Variants in VWA5B2 observed in about 807,000 individuals in gnomAD.
VWA5B2 encodes the protein von Willebrand factor A domain containing 5B2, also known as von Willebrand factor A domain-containing protein 5B2.
In VWA5B2, 93 loss-of-function variants were observed where a neutral mutation model predicts 118.5. The ratio of observed to expected loss-of-function variants is 0.79; its 90% CI spans 0.66 to 0.93. The LOEUF (loss-of-function observed/expected upper bound fraction) is 0.93, where lower values mean the gene tolerates loss of function less well. VWA5B2 is among the 40% of genes least tolerant of loss of function. The probability of loss-of-function intolerance (pLI) is 0.00; values close to 1 mark genes in which losing one functional copy is unlikely to be tolerated. For synonymous variants in VWA5B2, 708 were observed against 716.3 expected, an observed-to-expected ratio of 0.99 and a Z score of 0.19; for missense variants, 1,546 against 1,672.8, an observed-to-expected ratio of 0.92 and a Z score of 1.32.
In VWA5B2 at chr3:184,239,816, T is replaced by C. The variant is rs1208854656; in HGVS notation, c.2520T>C (p.His840=). 8 of 1,550,558 alleles carry C rather than the reference T, an allele frequency of 5.2e-6. No homozygotes were observed. Among genetic ancestry groups the C allele is most frequent in the Non-Finnish European group, 7.0e-6 (8 of 1,146,334 alleles). ...PAVPPQAPRC[H]VVIRGLCGEQ... is the part of the protein sequence containing the mutation. ...TGCCTCCCCAGGCTCCACGCTGCCATGTGGTGATCCGGGGCCTGTGTGGGG... is the reference window on the plus strand; with the variant it reads ...TGCCTCCCCAGGCTCCACGCTGCCACGTGGTGATCCGGGGCCTGTGTGGGG... The change falls in exon 16 of 20, where the codon CAT becomes CAC. Residue 840 remains histidine, a synonymous_variant. Coordinates refer to ENST00000691901, the MANE Select transcript of VWA5B2 (RefSeq NM_001390846.1). This position sits in a 1 kb window ranked among gnomAD's most constrained non-coding sequence, Gnocchi z 5.1.
At position 184,233,155 on chromosome 3, in the gene VWA5B2, A is replaced by G; in HGVS notation, c.311-23A>G. 3 of 1,542,540 alleles carry G rather than the reference A, an allele frequency of 1.9e-6. No homozygotes were observed. The South Asian group carries it at 3.6e-5, about 19-fold the overall frequency. ...TCTCCTCTGCTTCCAGCATGCTCTGACCCCATTTCTCACCCATCATAGGTC... is the reference window on the plus strand; with the variant it reads ...TCTCCTCTGCTTCCAGCATGCTCTGGCCCCATTTCTCACCCATCATAGGTC... On this transcript the variant is annotated intron_variant, in intron 3 of 19. Coordinates refer to ENST00000691901, the MANE Select transcript of VWA5B2 (RefSeq NM_001390846.1). This position sits in a 1 kb window ranked among gnomAD's most constrained non-coding sequence, Gnocchi z 5.2.
chr3:184,241,406 TGA>T lies in VWA5B2; in HGVS notation c.3180+4_3180+5del. Reference sequence around the variant, plus strand: ...AGCGACCATGACTACCTGCCCTTGGTGAGGACTCGGGAGGTGGAGGGTGGTGC... The same window carrying T: ...AGCGACCATGACTACCTGCCCTTGGTGGACTCGGGAGGTGGAGGGTGGTGC... On this transcript the variant is annotated splice_donor_region_variant and intron_variant, in intron 19 of 19. Transcript: ENST00000691901. The surrounding 1 kb of genome is among the most constrained non-coding windows in gnomAD (Gnocchi z 5.1). The T allele has an allele frequency of 6.3e-7, 1 of 1,580,298 alleles. No individual in the cohort carries two copies. The highest frequency in any genetic ancestry group is 8.6e-7 in the Non-Finnish European group (1 of 1,162,728).
intron 9 of VWA5B2, 30 bp from the exon 10 acceptor site, chr3:184,236,313 T>C: frequency 6.4e-7 from 1 of 1,551,054 alleles, no homozygotes; most frequent in South Asian, 1.2e-5. Flanking sequence ...TTCAGCCCAG[T>C]GCGTCCCAGC....
In VWA5B2 at chr3:184,239,883, C is replaced by T. The variant is rs1463523181; in HGVS notation, c.2587C>T (p.Leu863=). ...GGAGGTGGGTGTTGGGCTGGAGACA[C>T]TGTGGGGACCTGGAGATGGCTCACA... ...CWEVGVGLET[L]WGPGDGSQPP... Residue 863 remains leucine (L), a synonymous_variant, in exon 16 of 20, where the codon CTG becomes TTG. Transcript: ENST00000691901. This position sits in a 1 kb window ranked among gnomAD's most constrained non-coding sequence, Gnocchi z 5.1. The T allele has an allele frequency of 2.6e-6, 4 of 1,551,536 alleles. No individual in the cohort carries two copies. The highest frequency in any genetic ancestry group is 1.4e-5 in the African/African-American group (1 of 73,030).
intron 1 of VWA5B2, among the ~76,000 whole-genome samples, 162 bp from the exon 2 acceptor site, chr3:184,230,218 C>T (rs1717233675): frequency 6.6e-6 from 1 of 152,156 alleles, no homozygotes; most frequent in African/African-American, 2.4e-5. Context: ...ACAGCTGTGA[C>T]CGCCCCCACC....
chr3:184,235,614 C>A (rs1717888205), intron 8 of VWA5B2, among the ~76,000 whole-genome samples: 1 of 151,336 alleles, frequency 6.6e-6, no homozygotes, highest in African/African-American at 2.4e-5. Context: ...CAGGGACACT[C>A]AAGTTTCATG....
rs1282987429 is a variant in VWA5B2 at position 184,241,767 on chromosome 3, G to C, written c.3458G>C (p.Gly1153Ala). Reference protein sequence around the residue: ...GRGSDTEASEGAEGLGGTDLR... With the variant: ...GRGSDTEASEAAEGLGGTDLR... ...GGCTCAGACACCGAGGCCTCCGAGG[G>C]GGCGGAAGGGCTGGGCGGCACCGAC... The change falls in exon 20 of 20, where the codon GGG (glycine) becomes GCG (alanine). Residue 1153 changes from glycine (G) to alanine (A), a missense_variant. This residue lies in a region of VWA5B2 where 763 missense variants were observed against 766.6 expected (regional missense o/e 1.00). Coordinates refer to ENST00000691901, the MANE Select transcript of VWA5B2 (RefSeq NM_001390846.1). This position sits in a 1 kb window ranked among gnomAD's most constrained non-coding sequence, Gnocchi z 5.1. The C allele has an allele frequency of 8.8e-6, 13 of 1,484,052 alleles. No individual in the cohort carries two copies. In the East Asian group the frequency reaches 1.7e-4, roughly 20 times the overall value. 91.9% of individuals were successfully genotyped at this position (1,484,052 alleles called of 1,614,324 possible). A position where few individuals can be genotyped will look rare whatever the true frequency, so the allele number is the denominator to read the frequency against.
At chr3:184,236,577 G>T (rs777983602) in intron 10 of VWA5B2, 26 bp downstream of exon 10, 1 of 1,549,002 alleles carries the variant, frequency 6.5e-7, no homozygotes, top group South Asian at 1.2e-5. Context: ...AACCAGATGC[G>T]TAAGACTGAG....
At chr3:184,231,275 C>T (rs1273305358) in intron 3 of VWA5B2, among the ~76,000 whole-genome samples, 1 of 152,170 alleles carries the variant, frequency 6.6e-6, no homozygotes, top group Admixed American at 6.5e-5. Context: ...CACCTCAATC[C>T]GGCCCCGCGT....
In VWA5B2 at chr3:184,233,050, T is replaced by TTA; in HGVS notation, c.311-127_311-126dup. 1 of 760,956 alleles carries TTA rather than the reference T, an allele frequency of 1.3e-6. No homozygotes were observed. Among genetic ancestry groups the TTA allele is most frequent in the Non-Finnish European group, 2.2e-6 (1 of 464,378 alleles). The allele number at this position is 760,956 out of a possible 1,614,324, so 47.1% of individuals were successfully genotyped here. On this transcript the variant is annotated intron_variant, in intron 3 of 19. Transcript: ENST00000691901. This position sits in a 1 kb window ranked among gnomAD's most constrained non-coding sequence, Gnocchi z 5.2. The stretch of plus-strand genomic sequence containing the variant: ...GCCTCCATCCTGCGTCACCAATGCA[T>TTA]TAGCCTAGTGCCAACACGCAAAGTC...
Position 184,230,576 on chromosome 3 carries a change from G to C in VWA5B2, c.48G>C (p.Thr16=). The C allele has an allele frequency of 6.8e-7, 1 of 1,479,542 alleles. No homozygotes were observed. The highest frequency in any genetic ancestry group is 8.9e-7 in the Non-Finnish European group (1 of 1,123,152). The allele number at this position is 1,479,542 out of a possible 1,614,324, so 91.7% of individuals were successfully genotyped here. ...CPSSWTPLPL[T]DSWVRACANG... ...CCAGCTGGACGCCGCTGCCGCTCAC[G>C]GACTCCTGGGTCCGGGCCTGCGCCA... Residue 16 remains threonine (T), a synonymous_variant, in exon 2 of 20, where the codon ACG becomes ACC. Coordinates refer to ENST00000691901, the MANE Select transcript of VWA5B2 (RefSeq NM_001390846.1).
Position 184,230,839 on chromosome 3 carries a change from C to G in VWA5B2, c.232C>G (p.Arg78Gly), listed in dbSNP as rs1717316012. ...GRRVSFQLQS[R>G]RRSQAACCRA... The stretch of plus-strand genomic sequence containing the variant: ...GCGCGTCTCCTTCCAGCTGCAGAGC[C>G]GGCGCCGCTCGCAGGCCGCCTGCTG... The change falls in exon 3 of 20, where the codon CGG becomes GGG. Residue 78 changes from arginine (R) to glycine (G), a missense_variant. Around this residue, in one of 3 missense-constraint regions of VWA5B2, gnomAD observed 775 missense variants for 882.3 expected, o/e 0.88. Coordinates refer to ENST00000691901, the MANE Select transcript of VWA5B2 (RefSeq NM_001390846.1). The G allele has an allele frequency of 1.6e-6, 2 of 1,246,506 alleles. No individual in the cohort carries two copies. Among genetic ancestry groups the G allele is most frequent in the Admixed American group, 4.1e-5 (1 of 24,122 alleles). The allele number at this position is 1,246,506 out of a possible 1,614,324, so 77.2% of individuals were successfully genotyped here.
In VWA5B2 at chr3:184,241,380, C is replaced by G. The variant is rs61740524; in HGVS notation, c.3156C>G (p.Gly1052=). 4.5e-4 allele frequency: 709 copies of G among 1,571,836 alleles called. 4 individuals carry two copies. The African/African-American group carries it at 8.6e-3, about 19-fold the overall frequency. Residue 1052 remains glycine, a synonymous_variant, in exon 19 of 20, where the codon GGC becomes GGG. Transcript: ENST00000691901. The surrounding 1 kb of genome is among the most constrained non-coding windows in gnomAD (Gnocchi z 5.1). The part of the protein sequence containing the change: ...PDPGQANNSE[G]SDHDYLPLVR... ...CGGGCCAGGCCAACAACAGTGAAGG[C>G]AGCGACCATGACTACCTGCCCTTGG...
At chr3:184,234,095 T>A (rs1717698875) in intron 5 of VWA5B2, among the ~76,000 whole-genome samples, 171 bp from the exon 6 acceptor site, 1 of 152,184 alleles carries the variant, frequency 6.6e-6, no homozygotes, top group African/African-American at 2.4e-5. Flanking sequence ...GAAACCCTGC[T>A]GGAATCTACT....
At position 184,239,832 on chromosome 3, in the gene VWA5B2, C is replaced by T; in HGVS notation, c.2536C>T (p.Leu846=). 1 of 1,551,468 alleles carries T rather than the reference C, an allele frequency of 6.4e-7. No individual in the cohort carries two copies. Among genetic ancestry groups the T allele is most frequent in the East Asian group, 2.4e-5 (1 of 40,918 alleles). Residue 846 remains leucine (L), a synonymous_variant, in exon 16 of 20, where the codon CTG becomes TTG. Transcript: ENST00000691901. This position sits in a 1 kb window ranked among gnomAD's most constrained non-coding sequence, Gnocchi z 5.1. ...ACGCTGCCATGTGGTGATCCGGGGC[C>T]TGTGTGGGGAGCAGCCCATGTGCTG... is the stretch of plus-strand genomic sequence containing the variant. ...APRCHVVIRG[L]CGEQPMCWEV... is the part of the protein sequence containing the mutation.
At position 184,240,107 on chromosome 3, in the gene VWA5B2, G is replaced by T. The variant is rs1360832401; in HGVS notation, c.2740+71G>T. On this transcript the variant is annotated intron_variant, in intron 16 of 19. Coordinates refer to ENST00000691901, the MANE Select transcript of VWA5B2 (RefSeq NM_001390846.1). Reference sequence around the variant, plus strand: ...AAACAGCAAAGGTAGAGGTCTGTGTGTTTGATCACTCTCTATACCTCGCTT... The same window carrying T: ...AAACAGCAAAGGTAGAGGTCTGTGTTTTTGATCACTCTCTATACCTCGCTT... 2.4e-6 allele frequency: 3 copies of T among 1,224,984 alleles called. No homozygotes were observed. The African/African-American group carries it at 4.6e-5, about 19-fold the overall frequency. The allele number at this position is 1,224,984 out of a possible 1,614,324, so 75.9% of individuals were successfully genotyped here. A position where few individuals can be genotyped will look rare whatever the true frequency, so the allele number is the denominator to read the frequency against.
rs1377737377 is a variant in VWA5B2, at chr3:184,230,915, A to G, written c.308A>G (p.Gln103Arg). 25 of 1,217,606 alleles carry G rather than the reference A, an allele frequency of 2.1e-5. No homozygotes were observed. The highest frequency in any genetic ancestry group is 2.6e-5 in the Non-Finnish European group (25 of 979,332). The allele number at this position is 1,217,606 out of a possible 1,614,324, so 75.4% of individuals were successfully genotyped here. A position where few individuals can be genotyped will look rare whatever the true frequency, so the allele number is the denominator to read the frequency against. Residue 103 changes from glutamine to arginine, a missense_variant and splice_region_variant, in exon 3 of 20, where the codon CAG becomes CGG. Physicochemically the swap from Gln to Arg is conservative, Grantham distance 43 (BLOSUM62 1). Around this residue, in one of 3 missense-constraint regions of VWA5B2, gnomAD observed 775 missense variants for 882.3 expected, o/e 0.88. Coordinates refer to ENST00000691901, the MANE Select transcript of VWA5B2 (RefSeq NM_001390846.1). ...LGTPTPRRCA[Q>R]GHLVLDLAQA... ...ACCCCGACGCCCCGCCGCTGCGCGCAGGGTGAGTTCCGCGCGCCCGCACCC... is the reference window on the plus strand; with the variant it reads ...ACCCCGACGCCCCGCCGCTGCGCGCGGGGTGAGTTCCGCGCGCCCGCACCC...
At position 184,242,218 on chromosome 3, in the gene VWA5B2, C is replaced by T. The variant is rs867533706; in HGVS notation, c.*180C>T. On this transcript the variant is annotated 3_prime_UTR_variant, in exon 20 of 20. Coordinates refer to ENST00000691901, the MANE Select transcript of VWA5B2 (RefSeq NM_001390846.1). ...AAAAGTGCCTGCCTGTGCTCTCTCC[C>T]TCTCCTCCCACCCCACTCACACTCC... 4.2e-5 allele frequency: 34 copies of T among 809,974 alleles called. No homozygotes were observed. The South Asian group carries it at 5.5e-4, about 13-fold the overall frequency. The allele number at this position is 809,974 out of a possible 1,614,324, so 50.2% of individuals were successfully genotyped here. A position where few individuals can be genotyped will look rare whatever the true frequency, so the allele number is the denominator to read the frequency against.
intron 3 of VWA5B2, chr3:184,232,791 G>T: frequency 4.8e-6 from 1 of 208,124 alleles, no homozygotes; most frequent in Non-Finnish European, 9.6e-6. Flanking sequence ...GAGCAGAGTG[G>T]GGTCCCAGGC....
Sources: gnomAD v4.1 joint callset for allele counts (sites outside exome capture counted in the v4.1 genomes callset) on GRCh38, gnomAD v4.1.1 for gene constraint, gnomAD v4.1.1 regional missense constraint, Gnocchi (gnomAD v3.1) non-coding constraint, MANE v1.5 for transcripts, NCBI Gene and HGNC (gene_info 2026-07-23, HGNC 2026-07-21) for gene names.